N4BP2: variants seen among roughly 807,000 people sequenced by gnomAD.
The protein encoded by N4BP2 is NEDD4-binding protein 2.
A neutral mutation model predicts 152.8 loss-of-function variants in N4BP2; 91 were observed. The ratio of observed to expected loss-of-function variants is 0.60; its 90% CI spans 0.50 to 0.71. The LOEUF (loss-of-function observed/expected upper bound fraction) is 0.71, where lower values mean the gene tolerates loss of function less well. N4BP2 is among the 30% of genes least tolerant of loss of function. N4BP2 has a pLI of 0.00. For synonymous variants in N4BP2, 646 were observed against 705.3 expected (o/e 0.92, Z 1.33); for missense variants, 1,923 against 2,059.1 (o/e 0.93, Z 1.28).
intron 8 of N4BP2, 66 bp downstream of exon 8, chr4:40,118,090 G>A: frequency 7.6e-7 from 1 of 1,314,624 alleles, no homozygotes; most frequent in Non-Finnish European, 1.0e-6. Context: ...TATAATTTTG[G>A]AGCTTGTGGA....
intron 16 of N4BP2, among the ~76,000 whole-genome samples, chr4:40,145,396 G>A (rs955332640): frequency 3.3e-5 from 5 of 152,028 alleles, no homozygotes; most frequent in African/African-American, 1.2e-4. Flanking sequence ...GCTAGTTTTT[G>A]TATTTTTAGT....
At chr4:40,132,923 ATT>A (rs33951887) in intron 13 of N4BP2, among the ~76,000 whole-genome samples, 1 of 145,688 alleles carries the variant, frequency 6.9e-6, no homozygotes. Context: ...TTGGTCTGTG[ATT>A]TTTTTTTTTC....
At chr4:40,071,120 A>G (rs985159854) in intron 1 of N4BP2, among the ~76,000 whole-genome samples, 8 of 152,098 alleles carry the variant, frequency 5.3e-5, no homozygotes, top group African/African-American at 1.9e-4. Context: ...TTTTAAATAT[A>G]TAGGTAGAAC....
At chr4:40,178,449 C>T in the N4BP2 span, among the ~76,000 whole-genome samples, 2 of 151,908 alleles carry the variant, frequency 1.3e-5, no homozygotes, top group Admixed American at 1.3e-4. Flanking sequence ...AAAAGAAAAA[C>T]CTTCATCTTT....
rs780476202 is a variant in N4BP2 at position 40,117,928 on chromosome 4, G to A, written c.1724G>A (p.Arg575His). 26 of 1,612,524 alleles carry A rather than the reference G, an allele frequency of 1.6e-5. No homozygotes were observed. The highest frequency in any genetic ancestry group is 1.1e-4 in the East Asian group (5 of 44,728). The part of the protein sequence containing the change: ...KITRMLEHYQ[R>H]FVSVPIIMSS... The stretch of plus-strand genomic sequence containing the variant: ...ACAAGAATGTTGGAACATTATCAAC[G>A]TTTTGTTTCAGTGCCAATAATTATG... The change falls in exon 8 of 18, where the codon CGT (arginine) becomes CAT (histidine). Residue 575 changes from arginine (R) to histidine (H), a missense_variant. Transcript: ENST00000261435.
At chr4:40,159,033 T>A (rs1721784749), downstream of N4BP2, among the ~76,000 whole-genome samples, 1 of 152,224 alleles carries the variant, frequency 6.6e-6, no homozygotes, top group South Asian at 2.1e-4. Context: ...TGTTATATTT[T>A]AAATCTCAAG....
the N4BP2 span, among the ~76,000 whole-genome samples, chr4:40,165,671 G>A: frequency 6.6e-6 from 1 of 152,134 alleles, no homozygotes; most frequent in African/African-American, 2.4e-5. Flanking sequence ...ACGTGTGTGT[G>A]TGTATATGTA....
the N4BP2 span, among the ~76,000 whole-genome samples, chr4:40,189,657 G>C: frequency 6.6e-6 from 1 of 152,130 alleles, no homozygotes; most frequent in Non-Finnish European, 1.5e-5. The surrounding 1 kb of genome is among the most constrained non-coding windows in gnomAD (Gnocchi z 4.3). Context: ...GGGAGGCTGA[G>C]GGGGGCAGAT....
rs569639018 is a variant in N4BP2, at chr4:40,126,631, G to A, written c.4527+301G>A. On this transcript the variant is annotated intron_variant, in intron 12 of 17. Coordinates refer to ENST00000261435, the MANE Select transcript of N4BP2 (RefSeq NM_018177.6). ...TTACCTTTTTTTTTCTTGATACATC[G>A]TCTTGGCTCTGTTGCCCACACTAGA... Among the ~76,000 whole-genome samples the A allele has an allele frequency of 1.3e-4, 20 of 151,432 alleles. No individual in the cohort carries two copies. In the East Asian group the frequency reaches 1.4e-3, roughly 10 times the overall value.
the N4BP2 span, among the ~76,000 whole-genome samples, chr4:40,181,668 C>T: frequency 1.3e-5 from 2 of 152,194 alleles, no homozygotes; most frequent in Non-Finnish European, 2.9e-5. Context: ...CAAAGAAGTC[C>T]GGGTGCGGTG....
In N4BP2 at chr4:40,155,927, T is replaced by G. The variant is rs923134087; in HGVS notation, c.*1690T>G. On this transcript the variant is annotated 3_prime_UTR_variant, in exon 18 of 18. Coordinates refer to ENST00000261435, the MANE Select transcript of N4BP2 (RefSeq NM_018177.6). The stretch of plus-strand genomic sequence containing the variant: ...TACATGTTTATTATTTAGAAATGGT[T>G]AGTGACTGGTATTGAAGTATTATTC... The G allele has an allele frequency of 2.0e-5, 3 of 152,196 alleles. No individual in the cohort carries two copies. Among genetic ancestry groups the G allele is most frequent in the Non-Finnish European group, 1.5e-5 (1 of 68,024 alleles). 9.4% of individuals were successfully genotyped at this position (152,196 alleles called of 1,614,324 possible).
chr4:40,137,813 G>A (rs1719541862), intron 14 of N4BP2, among the ~76,000 whole-genome samples: 1 of 152,186 alleles, frequency 6.6e-6, no homozygotes, highest in Non-Finnish European at 1.5e-5. Context: ...GCAGGTTTAG[G>A]ATTGGCTAGT....
Position 40,142,691 on chromosome 4 carries a change from A to G in N4BP2, c.4804A>G (p.Thr1602Ala). 1 of 1,608,886 alleles carries G rather than the reference A, an allele frequency of 6.2e-7. No homozygotes were observed. Among genetic ancestry groups the G allele is most frequent in the Non-Finnish European group, 8.5e-7 (1 of 1,178,432 alleles). ...KEKKPKKLKETEETPSELSFQ... is the reference protein window; with the variant it reads ...KEKKPKKLKEAEETPSELSFQ... ...CTTATAGCCAAAGAAATTAAAAGAG[A>G]CTGAAGAAACACCAAGTGAACTGTC... The change falls in exon 15 of 18, where the codon ACT (threonine) becomes GCT (alanine). Residue 1602 changes from threonine to alanine, a missense_variant. Thr to Ala is a moderately conservative substitution (Grantham distance 58). Coordinates refer to ENST00000261435, the MANE Select transcript of N4BP2 (RefSeq NM_018177.6).
the N4BP2 span, among the ~76,000 whole-genome samples, chr4:40,175,803 T>C: frequency 2.5e-5 from 2 of 79,918 alleles, no homozygotes; most frequent in African/African-American, 1.1e-4. Context: ...GAGACTCGTC[T>C]CAAGAAAAAA....
intron 16 of N4BP2, among the ~76,000 whole-genome samples, chr4:40,150,074 T>C (rs563509453): frequency 6.6e-6 from 1 of 152,240 alleles, no homozygotes; most frequent in African/African-American, 2.4e-5. Context: ...GGTGGCAGTA[T>C]TGTTGAATAG....
chr4:40,108,629 A>G (rs1716558163), intron 5 of N4BP2, among the ~76,000 whole-genome samples: 1 of 143,288 alleles, frequency 7.0e-6, no homozygotes, highest in African/African-American at 2.5e-5. Flanking sequence ...TTTACTTTTT[A>G]TGGAAGATAG....
chr4:40,169,018 G>A, the N4BP2 span, among the ~76,000 whole-genome samples: 25 of 151,660 alleles, frequency 1.6e-4, no homozygotes, highest in South Asian at 1.2e-3. Context: ...GAGCCACTGC[G>A]CCTGGCCAAA....
chr4:40,187,366 A>G, the N4BP2 span, among the ~76,000 whole-genome samples: 2,049 of 152,320 alleles, frequency 0.013, 50 homozygotes, highest in African/African-American at 0.047. Flanking sequence ...AAAAAAATTT[A>G]AATGGCTACA....
At chr4:40,144,393 C>T (rs572742285) in intron 15 of N4BP2, among the ~76,000 whole-genome samples, 1 of 152,138 alleles carries the variant, frequency 6.6e-6, no homozygotes, top group Non-Finnish European at 1.5e-5. Context: ...ACTTTTACGA[C>T]TTTTGGTTCA....
Sources: gnomAD v4.1 joint callset for allele counts (sites outside exome capture counted in the v4.1 genomes callset) on GRCh38, gnomAD v4.1.1 for gene constraint, Gnocchi (gnomAD v3.1) non-coding constraint, MANE v1.5 for transcripts, NCBI Gene and HGNC (gene_info 2026-07-23, HGNC 2026-07-21) for gene names.